The following CSMD1 variants were observed in gnomAD, a reference collection of about 807,000 sequenced individuals.
The protein encoded by CSMD1 is CUB and sushi domain-containing protein 1.
Under a neutral mutation model 417.5 loss-of-function variants are expected in CSMD1, and 213 were observed. The ratio of observed to expected loss-of-function variants is 0.51; its 90% CI spans 0.46 to 0.57. The LOEUF is 0.57. Among genes scored for constraint, CSMD1 ranks in the 20% least tolerant of loss-of-function variants. The probability of loss-of-function intolerance (pLI) is 0.00; values close to 1 mark genes in which losing one functional copy is unlikely to be tolerated. For missense variants in CSMD1, 6,923 were observed against 4,529.7 expected, an observed-to-expected ratio of 1.53 and a Z score of -15.17; for synonymous variants, 2,862 against 1,736.8, an observed-to-expected ratio of 1.65 and a Z score of -16.11.
intron 50 of CSMD1, 51 bp from the exon 51 acceptor site, chr8:3,029,564 C>T (rs943087740): frequency 6.7e-7 from 1 of 1,492,128 alleles, no homozygotes; most frequent in East Asian, 2.5e-5. Flanking sequence ...TGGAAAACAT[C>T]AGACCGTGCT....
intron 3 of CSMD1, among the ~76,000 whole-genome samples, chr8:4,346,021 T>C (rs190272109): frequency 1.3e-5 from 2 of 152,252 alleles, no homozygotes; most frequent in Admixed American, 1.3e-4. Context: ...TAACGGAATA[T>C]TACATTCTTA....
At chr8:4,688,316 G>T (rs960186631) in intron 1 of CSMD1, among the ~76,000 whole-genome samples, 1 of 152,116 alleles carries the variant, frequency 6.6e-6, no homozygotes, top group Non-Finnish European at 1.5e-5. Context: ...GCATGGGCTT[G>T]GGATGCAGGT....
intron 6 of CSMD1, among the ~76,000 whole-genome samples, chr8:3,723,139 G>C (rs1250079490): frequency 1.3e-5 from 2 of 152,118 alleles, no homozygotes; most frequent in East Asian, 1.9e-4. Context: ...GGTGGTTCTA[G>C]GACTGAGGTT....
intron 19 of CSMD1, among the ~76,000 whole-genome samples, chr8:3,367,474 AAAAG>A (rs940629759): frequency 3.3e-5 from 5 of 152,000 alleles, no homozygotes; most frequent in Non-Finnish European, 7.4e-5. Flanking sequence ...GAGAGAGAGA[AAAAG>A]AGAGAGGTTA....
At chr8:4,424,510 C>G (rs921986657) in intron 2 of CSMD1, among the ~76,000 whole-genome samples, 1 of 151,694 alleles carries the variant, frequency 6.6e-6, no homozygotes, top group African/African-American at 2.4e-5. Context: ...ATATTTCAGC[C>G]AATCAGAATA....
chr8:3,578,894 A>G (rs541456716), intron 9 of CSMD1, among the ~76,000 whole-genome samples: 1 of 152,366 alleles, frequency 6.6e-6, no homozygotes, highest in Admixed American at 6.5e-5. Context: ...CAGTTTTTAA[A>G]ACAAGATCTC....
intron 3 of CSMD1, among the ~76,000 whole-genome samples, chr8:4,409,988 A>G (rs969697172): frequency 1.5e-4 from 23 of 151,920 alleles, no homozygotes; most frequent in African/African-American, 5.6e-4. Context: ...AAATTTTTGT[A>G]TTTTTAGTAG....
At chr8:4,924,874 A>T (rs1266302792) in intron 1 of CSMD1, among the ~76,000 whole-genome samples, 2 of 152,100 alleles carry the variant, frequency 1.3e-5, no homozygotes. Flanking sequence ...AGTTTCCCCA[A>T]CCAGCACAAG....
chr8:4,951,020 A>C (rs1808713108), intron 1 of CSMD1, among the ~76,000 whole-genome samples: 1 of 152,128 alleles, frequency 6.6e-6, no homozygotes, highest in South Asian at 2.1e-4. Flanking sequence ...TAGAGAAGGG[A>C]CCTATACATA....
chr8:3,554,049 G>C (rs942338940), intron 10 of CSMD1, among the ~76,000 whole-genome samples: 8 of 152,204 alleles, frequency 5.3e-5, no homozygotes, highest in African/African-American at 1.9e-4. Context: ...AGTTTTGAAA[G>C]ATGGGATGTG....
intron 4 of CSMD1, among the ~76,000 whole-genome samples, chr8:4,026,105 G>C (rs1237039646): frequency 6.6e-6 from 1 of 151,848 alleles, no homozygotes; most frequent in African/African-American, 2.4e-5. Context: ...TCATTCGTGT[G>C]AATTATCTCA....
chr8:3,315,713 A>G (rs956686623), intron 23 of CSMD1, among the ~76,000 whole-genome samples: 2 of 152,184 alleles, frequency 1.3e-5, no homozygotes, highest in Non-Finnish European at 2.9e-5. Context: ...TTCTGAACTT[A>G]AGGTAAAACA....
chr8:3,687,880 T>C (rs1800028959), intron 7 of CSMD1, among the ~76,000 whole-genome samples: 1 of 152,246 alleles, frequency 6.6e-6, no homozygotes, highest in Non-Finnish European at 1.5e-5. Flanking sequence ...GAGTCCGTAC[T>C]GATGACCTGG....
At chr8:4,891,624 C>A (rs1352240645) in intron 1 of CSMD1, among the ~76,000 whole-genome samples, 1 of 151,992 alleles carries the variant, frequency 6.6e-6, no homozygotes, top group Non-Finnish European at 1.5e-5. Context: ...GGATGTTTTG[C>A]TGAAAGATGC....
chr8:3,303,675 G>C (rs1202891425), intron 25 of CSMD1, among the ~76,000 whole-genome samples: 3 of 152,164 alleles, frequency 2.0e-5, no homozygotes, highest in Non-Finnish European at 2.9e-5. Context: ...GTAAAACATA[G>C]CCTTTAATGT....
At chr8:4,783,817 G>T (rs913495398) in intron 1 of CSMD1, among the ~76,000 whole-genome samples, 2 of 152,178 alleles carry the variant, frequency 1.3e-5, no homozygotes, top group African/African-American at 4.8e-5. Flanking sequence ...GCATCAACCA[G>T]CCTAAGGAAA....
chr8:4,917,498 G>C (rs747246118), intron 1 of CSMD1, among the ~76,000 whole-genome samples: 1 of 152,130 alleles, frequency 6.6e-6, no homozygotes, highest in East Asian at 1.9e-4. Flanking sequence ...GCCGGGCATG[G>C]TGGCGGGTGC....
intron 2 of CSMD1, among the ~76,000 whole-genome samples, chr8:4,428,183 A>G (rs189112160): frequency 1.3e-3 from 198 of 152,324 alleles, no homozygotes; most frequent in African/African-American, 4.4e-3. Context: ...TAAAAGGAAA[A>G]CAAACCCATG....
chr8:4,667,271 T>G (rs1002396373), intron 1 of CSMD1, among the ~76,000 whole-genome samples: 1 of 152,156 alleles, frequency 6.6e-6, no homozygotes, highest in Admixed American at 6.5e-5. Context: ...AAAGAAATCT[T>G]GAAATCAGAG....
Sources: gnomAD v4.1 joint callset for allele counts (sites outside exome capture counted in the v4.1 genomes callset) on GRCh38, gnomAD v4.1.1 for gene constraint, MANE v1.5 for transcripts, NCBI Gene and HGNC (gene_info 2026-07-23, HGNC 2026-07-21) for gene names.